Variants in CNTNAP5 observed in about 807,000 individuals in gnomAD.
CNTNAP5 encodes contactin associated protein family member 5, also known as contactin-associated protein-like 5.
A neutral mutation model predicts 150.2 loss-of-function variants in CNTNAP5; 72 were observed. That is an observed-to-expected ratio of 0.48 (90% CI 0.40 to 0.58). The LOEUF (loss-of-function observed/expected upper bound fraction) is 0.58, where lower values mean the gene tolerates loss of function less well. Among genes scored for constraint, CNTNAP5 ranks in the 20% least tolerant of loss-of-function variants. The pLI is 0.00. For missense variants in CNTNAP5, 1,636 were observed against 1,626.2 expected, an observed-to-expected ratio of 1.01 and a Z score of -0.10; for synonymous variants, 672 against 619.8, an observed-to-expected ratio of 1.08 and a Z score of -1.25.
intron 6 of CNTNAP5, among the ~76,000 whole-genome samples, chr2:124,458,582 G>T (rs768352782): frequency 1.3e-5 from 2 of 151,798 alleles, no homozygotes; most frequent in Non-Finnish European, 2.9e-5. Flanking sequence ...TACTGCTTAG[G>T]TTATGAGTGC....
chr2:124,030,035 A>G (rs1681002194), intron 1 of CNTNAP5, among the ~76,000 whole-genome samples: 1 of 152,064 alleles, frequency 6.6e-6, no homozygotes, highest in African/African-American at 2.4e-5. Context: ...CATTCATCAA[A>G]ACTCTGCCAC....
At chr2:124,739,916 C>A (rs78577853) in intron 13 of CNTNAP5, among the ~76,000 whole-genome samples, 36,334 of 151,850 alleles carry the variant, frequency 0.24, 5,183 homozygotes, top group Non-Finnish European at 0.34. Flanking sequence ...TAGCTGTGTG[C>A]GGGACCTCCT....
intron 7 of CNTNAP5, among the ~76,000 whole-genome samples, chr2:124,499,262 G>A (rs1694221653): frequency 6.6e-6 from 1 of 152,150 alleles, no homozygotes; most frequent in African/African-American, 2.4e-5. Flanking sequence ...TAAACCTATT[G>A]TGTAAGGCAT....
At chr2:124,205,953 TG>T (rs1319692922) in intron 1 of CNTNAP5, among the ~76,000 whole-genome samples, 1 of 152,250 alleles carries the variant, frequency 6.6e-6, no homozygotes, top group Non-Finnish European at 1.5e-5. Context: ...GTTCTAAAAG[TG>T]GGCCTTTAGT....
Position 124,540,008 on chromosome 2 carries a change from G to A in CNTNAP5, c.1649+12552G>A, listed in dbSNP as rs556299647. On this transcript the variant is annotated intron_variant, in intron 10 of 23. Transcript: ENST00000682447. ...CATAGCAGTAGATATCTCAACACCT[G>A]AGAAATGCAAAGGGAACACACAGAG... Among the ~76,000 whole-genome samples, 48 of 152,236 alleles carry A rather than the reference G, an allele frequency of 3.2e-4. 2 individuals are homozygous for A. The South Asian group carries it at 9.9e-3, about 32-fold the overall frequency.
At chr2:124,888,631 A>G (rs1486740517) in intron 21 of CNTNAP5, among the ~76,000 whole-genome samples, 2 of 152,054 alleles carry the variant, frequency 1.3e-5, no homozygotes, top group Non-Finnish European at 2.9e-5. Flanking sequence ...CTTTTTAATA[A>G]TAGCTATTCT....
At chr2:124,547,008 A>C (rs572265524) in intron 10 of CNTNAP5, among the ~76,000 whole-genome samples, 1 of 152,306 alleles carries the variant, frequency 6.6e-6, no homozygotes, top group African/African-American at 2.4e-5. Flanking sequence ...ATATTTAGGG[A>C]GAATTAAGCA....
intron 7 of CNTNAP5, among the ~76,000 whole-genome samples, chr2:124,486,639 C>T (rs375460944): frequency 6.6e-6 from 1 of 152,266 alleles, no homozygotes; most frequent in East Asian, 1.9e-4. Flanking sequence ...TACACATATT[C>T]ACGGTTTCAT....
At chr2:124,146,738 TTCTA>T (rs1218236792) in intron 1 of CNTNAP5, among the ~76,000 whole-genome samples, 1 of 152,198 alleles carries the variant, frequency 6.6e-6, no homozygotes, top group African/African-American at 2.4e-5. Context: ...ATTATTTTTA[TTCTA>T]TCTCTTTGTT....
intron 17 of CNTNAP5, among the ~76,000 whole-genome samples, chr2:124,775,599 G>A (rs1449158204): frequency 6.6e-6 from 1 of 152,100 alleles, no homozygotes; most frequent in Non-Finnish European, 1.5e-5. Flanking sequence ...GTTCCTCTCA[G>A]CACTGCCCCT....
intron 10 of CNTNAP5, among the ~76,000 whole-genome samples, chr2:124,543,946 A>T (rs1355784647): frequency 7.8e-6 from 1 of 128,162 alleles, no homozygotes; most frequent in Non-Finnish European, 1.6e-5. Context: ...ACCAGATGCT[A>T]GCTAGTTTTT....
At chr2:124,433,385 C>A (rs536817224) in intron 4 of CNTNAP5, among the ~76,000 whole-genome samples, 51 of 152,284 alleles carry the variant, frequency 3.3e-4, no homozygotes, top group African/African-American at 9.6e-4. Context: ...AAACTAATTA[C>A]AGAAAAGTAT....
chr2:124,666,358 T>C (rs970448437), intron 13 of CNTNAP5, among the ~76,000 whole-genome samples: 1 of 152,184 alleles, frequency 6.6e-6, no homozygotes, highest in African/African-American at 2.4e-5. Flanking sequence ...GGAGGTCTGT[T>C]AACCAGTACA....
intron 19 of CNTNAP5, among the ~76,000 whole-genome samples, chr2:124,810,441 G>A (rs926545575): frequency 6.6e-6 from 1 of 152,144 alleles, no homozygotes; most frequent in Non-Finnish European, 1.5e-5. Flanking sequence ...ACAGTGGAGG[G>A]CAGGGGGAAA....
At chr2:124,521,415 G>A (rs1694843457) in intron 8 of CNTNAP5, among the ~76,000 whole-genome samples, 2 of 152,156 alleles carry the variant, frequency 1.3e-5, no homozygotes, top group Non-Finnish European at 2.9e-5. Context: ...CACCAACCAA[G>A]CAAACCCTCA....
intron 10 of CNTNAP5, among the ~76,000 whole-genome samples, chr2:124,562,338 G>A (rs1185911776): frequency 1.3e-5 from 2 of 151,992 alleles, no homozygotes; most frequent in East Asian, 3.9e-4. Flanking sequence ...TTATAATCAT[G>A]TTTGTTCTGT....
At position 124,033,917 on chromosome 2, in the gene CNTNAP5, GA is replaced by G. The variant is rs111870986; in HGVS notation, c.82+8197del. On this transcript the variant is annotated intron_variant, in intron 1 of 23. Coordinates refer to ENST00000682447, the MANE Select transcript of CNTNAP5 (RefSeq NM_001367498.1). ...TTGACAGAGAAACAGACCTTTTCCA[GA>G]AAAAAAAAAAAGTGTGTGAAAGAGA... 1.5e-3 allele frequency among the ~76,000 whole-genome samples: 215 copies of G among 142,026 alleles called. 2 individuals are homozygous for G. Among genetic ancestry groups the G allele is most frequent in the South Asian group, 0.014 (63 of 4,510 alleles). The allele number at this position is 142,026 out of a possible 152,430, so 93.2% of individuals were successfully genotyped here.
intron 6 of CNTNAP5, among the ~76,000 whole-genome samples, chr2:124,448,009 C>A (rs928890250): frequency 2.0e-5 from 3 of 152,100 alleles, no homozygotes; most frequent in African/African-American, 7.2e-5. Context: ...TGGCTCACAC[C>A]TGTAATCTCA....
intron 13 of CNTNAP5, among the ~76,000 whole-genome samples, chr2:124,740,520 T>C (rs1680475293): frequency 6.6e-6 from 1 of 152,154 alleles, no homozygotes; most frequent in Non-Finnish European, 1.5e-5. Context: ...TGGGTTTATA[T>C]AAATCACATG....
Sources: gnomAD v4.1 joint callset for allele counts (sites outside exome capture counted in the v4.1 genomes callset) on GRCh38, gnomAD v4.1.1 for gene constraint, MANE v1.5 for transcripts, NCBI Gene and HGNC (gene_info 2026-07-23, HGNC 2026-07-21) for gene names.